Variants in CFAP47 observed in about 807,000 individuals in gnomAD.
CFAP47 encodes the protein cilia- and flagella-associated protein 47.
In CFAP47, 29 loss-of-function variants were observed where a neutral mutation model predicts 148.1. That is an observed-to-expected ratio of 0.20 (90% CI 0.15 to 0.27). CFAP47 has a LOEUF of 0.27. CFAP47 is among the 10% of genes least tolerant of loss of function. The probability of loss-of-function intolerance (pLI) is 1.00; values close to 1 mark genes in which losing one functional copy is unlikely to be tolerated. For missense variants in CFAP47, 1,872 were observed against 1,697.5 expected, an observed-to-expected ratio of 1.10 and a Z score of -1.81; for synonymous variants, 664 against 577.3, an observed-to-expected ratio of 1.15 and a Z score of -2.15.
At chrX:36,349,801 C>T (rs782202133) in intron 58 of CFAP47, among the ~76,000 whole-genome samples, 1 of 111,357 alleles carries the variant, frequency 9.0e-6, no homozygotes, top group Non-Finnish European at 1.9e-5. Flanking sequence ...TCAATTTTAA[C>T]TTATATTTCA....
chrX:35,996,603 A>G (rs950776637), intron 18 of CFAP47, among the ~76,000 whole-genome samples: 3 of 111,673 alleles, frequency 2.7e-5, no homozygotes, highest in Non-Finnish European at 3.8e-5. Context: ...TTGAGCAACT[A>G]TATGCTCAGA....
At chrX:35,996,712 T>G (rs1936851859) in intron 18 of CFAP47, among the ~76,000 whole-genome samples, 1 of 111,806 alleles carries the variant, frequency 8.9e-6, no homozygotes, top group Admixed American at 9.6e-5. Context: ...CAGCCCTTAG[T>G]TTAGCTGCTG....
At chrX:35,984,290 G>A (rs1017895058) in intron 15 of CFAP47, among the ~76,000 whole-genome samples, 4 of 111,244 alleles carry the variant, frequency 3.6e-5, no homozygotes, top group African/African-American at 1.3e-4. Context: ...TTTCTGTGGG[G>A]TATGTGTTAA....
intron 15 of CFAP47, among the ~76,000 whole-genome samples, chrX:35,980,424 A>T (rs1364130282): frequency 9.0e-6 from 1 of 111,099 alleles, no homozygotes; most frequent in African/African-American, 3.3e-5. Flanking sequence ...CTTTGCAGAA[A>T]TTACTTCCCA....
At chrX:36,277,320 A>G (rs1405247157) in intron 49 of CFAP47, among the ~76,000 whole-genome samples, 2 of 111,795 alleles carry the variant, frequency 1.8e-5, no homozygotes, top group African/African-American at 6.5e-5. Flanking sequence ...CAAAAGCAGC[A>G]AGTGTTCTGT....
rs754243099 is a variant in CFAP47 at position 35,938,571 on chromosome X, T to C, written c.402-2712T>C. ...AGATGAATGGAGCATTTTAAACTTTTATTTAGTTAGCATGTTTATGGATGA... is the reference window on the plus strand; with the variant it reads ...AGATGAATGGAGCATTTTAAACTTTCATTTAGTTAGCATGTTTATGGATGA... On this transcript the variant is annotated intron_variant, in intron 2 of 63. Transcript: ENST00000378653. Among the ~76,000 whole-genome samples the C allele has an allele frequency of 9.5e-4, 106 of 111,623 alleles. 1 individual carries two copies. The highest frequency in any genetic ancestry group is 3.1e-3 in the African/African-American group (97 of 30,849).
intron 2 of CFAP47, among the ~76,000 whole-genome samples, chrX:35,940,666 CTCT>C (rs1935993454): frequency 9.0e-6 from 1 of 110,517 alleles, no homozygotes; most frequent in African/African-American, 3.3e-5. Flanking sequence ...CTCTCCCCCG[CTCT>C]CTCTCTCTGT....
chrX:36,091,273 C>G (rs1010697297), intron 30 of CFAP47, among the ~76,000 whole-genome samples: 1 of 111,524 alleles, frequency 9.0e-6, no homozygotes, highest in Admixed American at 9.5e-5. Flanking sequence ...CAAGAAGCTC[C>G]CATTTTAATG....
At chrX:35,990,477 G>T (rs1487216152) in intron 16 of CFAP47, among the ~76,000 whole-genome samples, 1 of 110,805 alleles carries the variant, frequency 9.0e-6, no homozygotes, top group African/African-American at 3.3e-5. Flanking sequence ...ATGAGGAGGG[G>T]GAGTCCTGAC....
intron 46 of CFAP47, among the ~76,000 whole-genome samples, chrX:36,231,912 C>T (rs1171908725): frequency 9.0e-6 from 1 of 111,679 alleles, no homozygotes; most frequent in Admixed American, 9.5e-5. Flanking sequence ...TGCTGGATTA[C>T]ATTTATTGAT....
At chrX:35,924,424 CA>C in intron 1 of CFAP47, among the ~76,000 whole-genome samples, 1 of 99,648 alleles carries the variant, frequency 1.0e-5, no homozygotes, top group Non-Finnish European at 2.0e-5. Flanking sequence ...TATATGCACA[CA>C]TATGTGTATA....
At chrX:36,194,455 A>G (rs1602040540) in intron 42 of CFAP47, among the ~76,000 whole-genome samples, 1 of 111,650 alleles carries the variant, frequency 9.0e-6, no homozygotes, top group African/African-American at 3.3e-5. Flanking sequence ...CTTTATGGCA[A>G]TACCCCAATT....
At chrX:36,034,652 A>G (rs1937318195) in intron 23 of CFAP47, among the ~76,000 whole-genome samples, 1 of 110,628 alleles carries the variant, frequency 9.0e-6, no homozygotes, top group Admixed American at 9.7e-5. Context: ...TGCTTTGGCC[A>G]TTATAAGCTC....
At chrX:36,174,018 C>T (rs1213066370) in intron 39 of CFAP47, among the ~76,000 whole-genome samples, 1 of 109,817 alleles carries the variant, frequency 9.1e-6, no homozygotes, top group Non-Finnish European at 1.9e-5. Context: ...GGATAGTTAG[C>T]TCTTCTTGTT....
chrX:36,154,176 G>C (rs1939340139), intron 37 of CFAP47, among the ~76,000 whole-genome samples: 1 of 111,651 alleles, frequency 9.0e-6, no homozygotes, highest in Admixed American at 9.5e-5. Flanking sequence ...TTCCCTTTTG[G>C]TTAAAAATTC....
chrX:35,948,412 T>G lies in CFAP47; in HGVS notation c.616T>G (p.Phe206Val). 8.3e-7 allele frequency: 1 copy of G among 1,205,895 alleles called. No individual in the cohort carries two copies. Among genetic ancestry groups the G allele is most frequent in the Non-Finnish European group, 1.1e-6 (1 of 890,207 alleles). Residue 206 changes from phenylalanine to valine, a missense_variant, in exon 4 of 64, where the codon TTC becomes GTC. Coordinates refer to ENST00000378653, the MANE Select transcript of CFAP47 (RefSeq NM_001304548.2). ...AKSSMVIKVD[F>V]CADQPRIVDE... ...GTCATCAATGGTTATTAAAGTAGAT[T>G]TCTGTGCAGACCAGCCAAGAATTGT...
chrX:36,103,262 CA>C (rs1938405076), intron 32 of CFAP47, among the ~76,000 whole-genome samples: 1 of 108,652 alleles, frequency 9.2e-6, no homozygotes. Flanking sequence ...ATAATGAAGT[CA>C]GTAACAGTTG....
intron 22 of CFAP47, among the ~76,000 whole-genome samples, chrX:36,027,789 T>C (rs919264378): frequency 1.8e-5 from 2 of 111,889 alleles, no homozygotes; most frequent in Non-Finnish European, 3.8e-5. Context: ...ATATAAGTGT[T>C]CACTTTTTTT....
At chrX:36,237,619 T>C (rs1285718697) in intron 48 of CFAP47, among the ~76,000 whole-genome samples, 1 of 112,333 alleles carries the variant, frequency 8.9e-6, no homozygotes, top group African/African-American at 3.2e-5. Flanking sequence ...CATGAGCCAC[T>C]GCGCCTGGCC....
Sources: gnomAD v4.1 joint callset for allele counts (sites outside exome capture counted in the v4.1 genomes callset) on GRCh38, gnomAD v4.1.1 for gene constraint, MANE v1.5 for transcripts, NCBI Gene and HGNC (gene_info 2026-07-23, HGNC 2026-07-21) for gene names.